The following HERPUD2 variants were observed in gnomAD, a reference collection of about 807,000 sequenced individuals.
The protein encoded by HERPUD2 is HERPUD family member 2.
A neutral mutation model predicts 49.9 loss-of-function variants in HERPUD2; 13 were observed. That is an observed-to-expected ratio of 0.26 (90% CI 0.17 to 0.41). The LOEUF is 0.41. Ranked by LOEUF, HERPUD2 falls within the 10% of genes least tolerant of loss-of-function variation. The pLI, the probability that HERPUD2 is intolerant of heterozygous loss-of-function variation, is 1.00. For synonymous variants in HERPUD2, 172 were observed against 171.4 expected, an observed-to-expected ratio of 1.00 and a Z score of -0.03; for missense variants, 449 against 492.2, an observed-to-expected ratio of 0.91 and a Z score of 0.83.
chr7:35,674,398 TATATATAGAGAGAGAGAGAG>T lies in HERPUD2; in HGVS notation c.148-1140_148-1121del, dbSNP rs1276600274. ...TACAACCTATATATATATATATATA[TATATATAGAGAGAGAGAGAG>T]AGAGAGAGAGAGAGAGAGAGAGAGA... On this transcript the variant is annotated intron_variant, in intron 2 of 8. Coordinates refer to ENST00000311350, the MANE Select transcript of HERPUD2 (RefSeq NM_022373.5). 8.0e-4 allele frequency among the ~76,000 whole-genome samples: 49 copies of T among 61,354 alleles called. 1 individual carries two copies. The highest frequency in any genetic ancestry group is 6.6e-3 in the East Asian group (15 of 2,264). 40.3% of individuals were successfully genotyped at this position (61,354 alleles called of 152,430 possible).
rs57033496 is a variant in HERPUD2 at position 35,653,871 on chromosome 7, G to A, written c.494+13563C>T. Among the ~76,000 whole-genome samples the A allele has an allele frequency of 5.4e-3, 816 of 152,226 alleles. 7 individuals are homozygous for A. The highest frequency in any genetic ancestry group is 0.019 in the African/African-American group (785 of 41,530). Reference sequence around the variant, plus strand: ...AAATGTTTGTGGTGTGTAGTGGTATGTGCCTGTAATCCCAGCTACTCAGGA... The same window carrying A: ...AAATGTTTGTGGTGTGTAGTGGTATATGCCTGTAATCCCAGCTACTCAGGA... On this transcript the variant is annotated intron_variant, in intron 5 of 8. Transcript: ENST00000311350.
intron 5 of HERPUD2, among the ~76,000 whole-genome samples, chr7:35,655,894 C>T (rs1199518195): frequency 1.3e-5 from 2 of 152,214 alleles, no homozygotes; most frequent in African/African-American, 4.8e-5. Context: ...AGTGTGGTGG[C>T]TCACGCCTGT....
Position 35,638,368 on chromosome 7 carries a change from T to A in HERPUD2, c.599A>T (p.His200Leu), listed in dbSNP as rs2305335. 449 of 1,612,226 alleles carry A rather than the reference T, an allele frequency of 2.8e-4. 5 individuals are homozygous for A. In the East Asian group the frequency reaches 9.6e-3, roughly 35 times the overall value. Residue 200 changes from histidine (H) to leucine (L), a missense_variant, in exon 6 of 9, where the codon CAT becomes CTT. His to Leu is a moderately conservative substitution (Grantham distance 99). Transcript: ENST00000311350. ...AACTTACTACTGCATATAATACTGA[T>A]GAGCATACATCTGTTGCCACCATAG... ...QMLWWQQMYA[H>L]QYYMQYQAAV...
intron 5 of HERPUD2, among the ~76,000 whole-genome samples, chr7:35,649,643 GC>G (rs751134229): frequency 2.6e-5 from 4 of 152,152 alleles, no homozygotes; most frequent in African/African-American, 7.2e-5. Flanking sequence ...CAAAGCAGGG[GC>G]TTCCAGGTTA....
chr7:35,650,239 G>T (rs917850594), intron 5 of HERPUD2, among the ~76,000 whole-genome samples: 1 of 152,096 alleles, frequency 6.6e-6, no homozygotes, highest in Admixed American at 6.5e-5. Context: ...AAACACCTAC[G>T]GCAAAGAAGG....
chr7:35,641,544 G>A (rs150084874), intron 5 of HERPUD2, among the ~76,000 whole-genome samples: 379 of 152,272 alleles, frequency 2.5e-3, no homozygotes, highest in African/African-American at 8.6e-3. Context: ...GAAGAAAGAT[G>A]GAGGCATCAT....
At chr7:35,678,788 T>G (rs1785819807) in intron 2 of HERPUD2, among the ~76,000 whole-genome samples, 1 of 152,208 alleles carries the variant, frequency 6.6e-6, no homozygotes, top group South Asian at 2.1e-4. Flanking sequence ...CTTCTAGATG[T>G]TAATATATTA....
chr7:35,664,555 A>G (rs1231669786), intron 5 of HERPUD2, among the ~76,000 whole-genome samples: 1 of 152,192 alleles, frequency 6.6e-6, no homozygotes, highest in African/African-American at 2.4e-5. Flanking sequence ...GTCTTCTCAC[A>G]TAGTCCCATA....
chr7:35,654,259 A>T (rs2115892455), intron 5 of HERPUD2, among the ~76,000 whole-genome samples: 1 of 152,144 alleles, frequency 6.6e-6, no homozygotes, highest in Non-Finnish European at 1.5e-5. Flanking sequence ...AGATCAACAA[A>T]ATAAAAACTT....
intron 2 of HERPUD2, among the ~76,000 whole-genome samples, chr7:35,687,251 T>C (rs1786083493): frequency 6.6e-6 from 1 of 152,194 alleles, no homozygotes; most frequent in African/African-American, 2.4e-5. Context: ...ACGTACTAGT[T>C]AAATTGTCAA....
At chr7:35,674,404 T>TATATATATATATATAGAG (rs1785711309) in intron 2 of HERPUD2, among the ~76,000 whole-genome samples, 1 of 38,126 alleles carries the variant, frequency 2.6e-5, no homozygotes, top group Non-Finnish European at 4.4e-5. Flanking sequence ...TATATATATA[T>TATATATATATATATAGAG]AGAGAGAGAG....
intron 2 of HERPUD2, among the ~76,000 whole-genome samples, chr7:35,685,993 T>A: frequency 6.6e-6 from 1 of 151,692 alleles, no homozygotes; most frequent in Non-Finnish European, 1.5e-5. Context: ...AATAAATAAC[T>A]TAAATATCAG....
chr7:35,675,701 C>T (rs1209867799), intron 2 of HERPUD2, among the ~76,000 whole-genome samples: 3 of 152,126 alleles, frequency 2.0e-5, no homozygotes, highest in Non-Finnish European at 4.4e-5. Context: ...CCAAATTTTG[C>T]TATTCTTGTC....
chr7:35,679,164 G>T (rs1583566270), intron 2 of HERPUD2, among the ~76,000 whole-genome samples: 1 of 152,224 alleles, frequency 6.6e-6, no homozygotes, highest in Admixed American at 6.5e-5. Context: ...TCTCATGATG[G>T]CTATAAAGTG....
chr7:35,651,267 G>GT, intron 5 of HERPUD2, among the ~76,000 whole-genome samples: 1 of 152,136 alleles, frequency 6.6e-6, no homozygotes, highest in Middle Eastern at 3.4e-3. Context: ...CTGACTGGAG[G>GT]CCCCCCAAGA....
intron 2 of HERPUD2, among the ~76,000 whole-genome samples, chr7:35,674,296 A>G (rs1287054078): frequency 6.7e-6 from 1 of 150,006 alleles, no homozygotes; most frequent in African/African-American, 2.5e-5. Context: ...GGAGTGTGCC[A>G]TTCCTCAAAT....
chr7:35,675,707 T>C (rs1046649184), intron 2 of HERPUD2, among the ~76,000 whole-genome samples: 1 of 152,198 alleles, frequency 6.6e-6, no homozygotes, highest in African/African-American at 2.4e-5. Context: ...TTTGCTATTC[T>C]TGTCTCATCC....
At chr7:35,691,198 A>G (rs562460884) in intron 2 of HERPUD2, among the ~76,000 whole-genome samples, 33 of 152,284 alleles carry the variant, frequency 2.2e-4, no homozygotes, top group African/African-American at 7.5e-4. Flanking sequence ...GGAGGGGTAC[A>G]TTTGTTCTAA....
Position 35,633,238 on chromosome 7 carries a change from T to C in HERPUD2, c.*452A>G, listed in dbSNP as rs1784808430. On this transcript the variant is annotated 3_prime_UTR_variant, in exon 9 of 9. Coordinates refer to ENST00000311350, the MANE Select transcript of HERPUD2 (RefSeq NM_022373.5). ...CGTGACACCACACCCGGCTAATTTT[T>C]TTGTATTTTTAGTTAAGATGGGGTT... The C allele has an allele frequency of 6.6e-6, 1 of 152,306 alleles. No homozygotes were observed. The highest frequency in any genetic ancestry group is 2.1e-4 in the South Asian group (1 of 4,828). 9.4% of individuals were successfully genotyped at this position (152,306 alleles called of 1,614,324 possible).
Sources: allele counts gnomAD v4.1 joint callset (sites outside exome capture counted in the v4.1 genomes callset), GRCh38; gene constraint gnomAD v4.1.1; transcripts MANE v1.5; gene names NCBI Gene and HGNC (gene_info 2026-07-23, HGNC 2026-07-21).